Variants in UTP4 observed in about 807,000 individuals in gnomAD.
UTP4 encodes the protein U3 small nucleolar RNA-associated protein 4 homolog.
Under a neutral mutation model 82.4 loss-of-function variants are expected in UTP4, and 45 were observed. The ratio of observed to expected loss-of-function variants is 0.55; its 90% CI spans 0.43 to 0.70. The LOEUF (loss-of-function observed/expected upper bound fraction) is 0.70. UTP4 is among the 30% of genes least tolerant of loss of function. The pLI is 0.00. For missense variants in UTP4, 819 were observed against 858.3 expected (o/e 0.95, Z 0.57); for synonymous variants, 348 against 300.3 (o/e 1.16, Z -1.64).
chr16:69,167,293 AACCTGGCTTGTGGGAG>A (rs1262109213), intron 16 of UTP4, 108 bp downstream of exon 16: 1 of 773,576 alleles, frequency 1.3e-6, no homozygotes, highest in Non-Finnish European at 2.2e-6. Context: ...CCATGCAGAG[AACCTGGCTTGTGGGAG>A]ACAAGTCACC....
chr16:69,139,044 A>T (rs1038949384), intron 4 of UTP4: 1 of 142,942 alleles, frequency 7.0e-6, no homozygotes, highest in Non-Finnish European at 1.5e-5. Flanking sequence ...TTTTGGCTCA[A>T]TGTAACCTCT....
intron 13 of UTP4, among the ~76,000 whole-genome samples, chr16:69,162,171 G>A (rs996609920): frequency 5.3e-5 from 8 of 151,852 alleles, no homozygotes; most frequent in African/African-American, 1.9e-4. Flanking sequence ...GTTTCACCAT[G>A]TTGGCCAGGC....
chr16:69,143,298 G>A lies in UTP4; in HGVS notation c.647G>A (p.Gly216Glu). The part of the protein sequence containing the change: ...DGTIISVDSA[G>E]KVQFWDSATG... ...ACTATCATAAGTGTGGACTCTGCTG[G>A]GAAGGTGCAGTTCTGGGACTCAGCC... is the stretch of plus-strand genomic sequence containing the variant. Residue 216 changes from glycine to glutamate, a missense_variant, in exon 6 of 17, where the codon GGG becomes GAG. Physicochemically the swap from Gly to Glu is moderately conservative, Grantham distance 98. Transcript: ENST00000314423. The A allele has an allele frequency of 1.2e-6, 2 of 1,614,208 alleles. No homozygotes were observed. Among genetic ancestry groups the A allele is most frequent in the Non-Finnish European group, 1.7e-6 (2 of 1,180,036 alleles).
Position 69,139,334 on chromosome 16 carries a change from A to G in UTP4, c.437-491A>G, listed in dbSNP as rs111480454. 5.9e-3 allele frequency among the ~76,000 whole-genome samples: 903 copies of G among 152,192 alleles called. 12 individuals carry two copies. Among genetic ancestry groups the G allele is most frequent in the African/African-American group, 0.019 (802 of 41,518 alleles). ...AAAAATCTCATACATTTTGTCAAGT[A>G]TGAAATAGAAAATAGGTGTCTCAGC... On this transcript the variant is annotated intron_variant, in intron 4 of 16. Transcript: ENST00000314423.
chr16:69,135,052 T>C (rs1366630350), intron 2 of UTP4, among the ~76,000 whole-genome samples: 2 of 151,536 alleles, frequency 1.3e-5, no homozygotes, highest in East Asian at 1.9e-4. Flanking sequence ...GGCCATATTA[T>C]GATTTTTCTG....
At chr16:69,160,980 C>CAT (rs1963549577) in intron 13 of UTP4, among the ~76,000 whole-genome samples, 1 of 152,146 alleles carries the variant, frequency 6.6e-6, no homozygotes, top group Non-Finnish European at 1.5e-5. Context: ...TACTGTGTAA[C>CAT]ATTAAAAGCA....
intron 6 of UTP4, among the ~76,000 whole-genome samples, chr16:69,146,380 A>G (rs574820484): frequency 6.6e-6 from 1 of 152,270 alleles, no homozygotes; most frequent in South Asian, 2.1e-4. Context: ...GAATTTGCTT[A>G]TAACATTTGT....
intron 12 of UTP4, 45 bp downstream of exon 12, chr16:69,157,285 G>T: frequency 6.2e-7 from 1 of 1,605,888 alleles, no homozygotes; most frequent in Non-Finnish European, 8.5e-7. Context: ...TCGTGTCTAA[G>T]ATGTAACTTT....
intron 12 of UTP4, 65 bp from the exon 13 acceptor site, chr16:69,160,291 C>T (rs963587350): frequency 5.4e-6 from 7 of 1,285,990 alleles, no homozygotes; most frequent in Non-Finnish European, 8.0e-6. Flanking sequence ...TTGCCATCAT[C>T]TCCAGGGCAG....
At position 69,133,401 on chromosome 16, in the gene UTP4, A is replaced by G. The variant is rs558207874; in HGVS notation, c.-2-57A>G. 2.2e-5 allele frequency: 33 copies of G among 1,528,166 alleles called. No individual in the cohort carries two copies. In the East Asian group the frequency reaches 2.5e-4, roughly 11 times the overall value. The allele number at this position is 1,528,166 out of a possible 1,614,324, so 94.7% of individuals were successfully genotyped here. On this transcript the variant is annotated intron_variant, in intron 1 of 16. Coordinates refer to ENST00000314423, the MANE Select transcript of UTP4 (RefSeq NM_032830.3). ...CAGTGATATTAAGGAACTGAATACT[A>G]TATGTGACATACTGCAGTTAACATA...
chr16:69,147,118 A>G (rs1016056291), intron 6 of UTP4, among the ~76,000 whole-genome samples: 14 of 149,270 alleles, frequency 9.4e-5, no homozygotes, highest in Admixed American at 2.7e-4. Context: ...TAGACGTTGC[A>G]GTGAGCTGAG....
chr16:69,149,895 ATT>A (rs1166145507), intron 6 of UTP4, among the ~76,000 whole-genome samples: 1 of 151,812 alleles, frequency 6.6e-6, no homozygotes, highest in African/African-American at 2.4e-5. Flanking sequence ...CGCCCAGCTA[ATT>A]TTTGTATTTT....
At chr16:69,162,719 A>G (rs1963594833) in intron 13 of UTP4, among the ~76,000 whole-genome samples, 1 of 151,108 alleles carries the variant, frequency 6.6e-6, no homozygotes, top group East Asian at 2.0e-4. Flanking sequence ...CTCAAAAAAA[A>G]AAAAAAAGAA....
intron 8 of UTP4, among the ~76,000 whole-genome samples, chr16:69,152,314 C>A (rs941511202): frequency 6.6e-6 from 1 of 151,910 alleles, no homozygotes; most frequent in Non-Finnish European, 1.5e-5. Flanking sequence ...GAGACAAGGT[C>A]TTGCTCCGTC....
chr16:69,162,720 A>G (rs1327676305), intron 13 of UTP4, among the ~76,000 whole-genome samples: 1 of 151,040 alleles, frequency 6.6e-6, no homozygotes, highest in Non-Finnish European at 1.5e-5. Context: ...TCAAAAAAAA[A>G]AAAAAAGAAA....
chr16:69,145,557 CT>C (rs1963087018), intron 6 of UTP4, among the ~76,000 whole-genome samples: 1 of 151,530 alleles, frequency 6.6e-6, no homozygotes, highest in Admixed American at 6.6e-5. Context: ...CTGGCTTTTT[CT>C]TTTTCTTTTT....
In UTP4 at chr16:69,165,119, G is replaced by A. The variant is rs570349502; in HGVS notation, c.1648-222G>A. 2.6e-5 allele frequency among the ~76,000 whole-genome samples: 4 copies of A among 151,992 alleles called. No homozygotes were observed. The East Asian group carries it at 5.8e-4, about 22-fold the overall frequency. On this transcript the variant is annotated intron_variant, in intron 14 of 16. Transcript: ENST00000314423. ...CTGAGGCAGGAGAACGGCTTGAACCGGGGAGGCGGAGCTTGCAGTGAGCGG... is the reference window on the plus strand; with the variant it reads ...CTGAGGCAGGAGAACGGCTTGAACCAGGGAGGCGGAGCTTGCAGTGAGCGG...
At chr16:69,140,807 T>G (rs1274439468) in intron 5 of UTP4, among the ~76,000 whole-genome samples, 1 of 152,214 alleles carries the variant, frequency 6.6e-6, no homozygotes, top group African/African-American at 2.4e-5. Context: ...CCTAGCATGC[T>G]TTTTATGCTA....
intron 2 of UTP4, among the ~76,000 whole-genome samples, chr16:69,136,030 C>CA (rs924746041): frequency 6.6e-5 from 10 of 151,984 alleles, no homozygotes; most frequent in African/African-American, 2.2e-4. Flanking sequence ...ACTCTGTCTC[C>CA]AAAAAACAAA....
Sources: allele counts gnomAD v4.1 joint callset (sites outside exome capture counted in the v4.1 genomes callset), GRCh38; gene constraint gnomAD v4.1.1; transcripts MANE v1.5; gene names NCBI Gene and HGNC (gene_info 2026-07-23, HGNC 2026-07-21).